The following HCN1 variants were observed in gnomAD, a reference collection of about 807,000 sequenced individuals.
HCN1 encodes hyperpolarization activated cyclic nucleotide gated potassium channel 1.
HCN1 carries 13 observed loss-of-function variants against 78.9 expected under a neutral mutation model. That is an observed-to-expected ratio of 0.16 (90% CI 0.11 to 0.26). The LOEUF is 0.26. Ranked by LOEUF, HCN1 falls within the 10% of genes least tolerant of loss-of-function variation. The pLI is 1.00. For missense variants in HCN1, 810 were observed against 1,154.3 expected (o/e 0.70, Z 4.32); for synonymous variants, 552 against 455.5 (o/e 1.21, Z -2.70).
chr5:45,653,359 C>T (rs1745712522), intron 1 of HCN1, among the ~76,000 whole-genome samples: 1 of 152,106 alleles, frequency 6.6e-6, no homozygotes, highest in African/African-American at 2.4e-5. Flanking sequence ...CATCTGAGCA[C>T]ATCTACTACT....
Position 45,264,886 on chromosome 5 carries a change from T to C in HCN1, c.1784-2076A>G, listed in dbSNP as rs372476051. Among the ~76,000 whole-genome samples, 52 of 152,278 alleles carry C rather than the reference T, an allele frequency of 3.4e-4. No homozygotes were observed. In the South Asian group the frequency reaches 0.01, roughly 30 times the overall value. On this transcript the variant is annotated intron_variant, in intron 7 of 7. Coordinates refer to ENST00000303230, the MANE Select transcript of HCN1 (RefSeq NM_021072.4). Reference sequence around the variant, plus strand: ...TTGATTACGAACCATTTCATGTAAATATTGTTATAAAAATTAACTGCAGGC... The same window carrying C: ...TTGATTACGAACCATTTCATGTAAACATTGTTATAAAAATTAACTGCAGGC...
In HCN1 at chr5:45,599,047, G is replaced by A. The variant is rs570473438; in HGVS notation, c.849+46138C>T. ...TAGAACTAGAAATACCATTTGACCCGGTGATCCCTTTATTGGGTACATACC... is the reference window on the plus strand; with the variant it reads ...TAGAACTAGAAATACCATTTGACCCAGTGATCCCTTTATTGGGTACATACC... On this transcript the variant is annotated intron_variant, in intron 2 of 7. Transcript: ENST00000303230. 1.4e-4 allele frequency among the ~76,000 whole-genome samples: 21 copies of A among 152,134 alleles called. No homozygotes were observed. The South Asian group carries it at 1.5e-3, about 11-fold the overall frequency.
At chr5:45,619,880 G>T (rs2111992669) in intron 2 of HCN1, among the ~76,000 whole-genome samples, 1 of 152,060 alleles carries the variant, frequency 6.6e-6, no homozygotes, top group African/African-American at 2.4e-5. Flanking sequence ...AGTATAAACT[G>T]TACTTAGTGA....
intron 5 of HCN1, among the ~76,000 whole-genome samples, chr5:45,334,594 A>G (rs1240231659): frequency 6.6e-6 from 1 of 151,954 alleles, no homozygotes; most frequent in Admixed American, 6.6e-5. Context: ...TTGAGACTGA[A>G]AAATCACATC....
intron 1 of HCN1, among the ~76,000 whole-genome samples, chr5:45,686,874 T>C (rs1300584291): frequency 1.3e-5 from 2 of 152,184 alleles, no homozygotes; most frequent in Non-Finnish European, 2.9e-5. Flanking sequence ...TCCTGGGACT[T>C]CAGGTTTCTC....
At chr5:45,416,226 C>T (rs1319106717) in intron 3 of HCN1, among the ~76,000 whole-genome samples, 37 of 151,758 alleles carry the variant, frequency 2.4e-4, no homozygotes, top group Admixed American at 1.6e-3. Context: ...AATGCATTGT[C>T]GGGGGTAAGC....
At chr5:45,658,283 C>A (rs1475117336) in intron 1 of HCN1, among the ~76,000 whole-genome samples, 7 of 152,144 alleles carry the variant, frequency 4.6e-5, no homozygotes, top group Admixed American at 6.5e-5. Flanking sequence ...ACCATAAAAA[C>A]CCTAGAAGAA....
intron 3 of HCN1, among the ~76,000 whole-genome samples, chr5:45,403,077 A>C (rs1308158886): frequency 6.6e-6 from 1 of 152,028 alleles, no homozygotes; most frequent in Non-Finnish European, 1.5e-5. Context: ...ATTCTTCATG[A>C]AGAGTGAATG....
At chr5:45,631,359 A>T (rs1170728923) in intron 2 of HCN1, among the ~76,000 whole-genome samples, 3 of 152,072 alleles carry the variant, frequency 2.0e-5, no homozygotes, top group Non-Finnish European at 4.4e-5. Flanking sequence ...GATTGTTTAA[A>T]ACCCTACAGA....
intron 6 of HCN1, among the ~76,000 whole-genome samples, chr5:45,280,197 C>G (rs572351724): frequency 5.9e-5 from 9 of 152,098 alleles, no homozygotes; most frequent in Non-Finnish European, 1.3e-4. Flanking sequence ...ATTGATTTAT[C>G]AAGCTGTATA....
At chr5:45,498,981 C>T (rs1742123636) in intron 2 of HCN1, among the ~76,000 whole-genome samples, 1 of 152,182 alleles carries the variant, frequency 6.6e-6, no homozygotes, top group African/African-American at 2.4e-5. Context: ...CACTACTCTT[C>T]TTCAAAGTTG....
intron 2 of HCN1, among the ~76,000 whole-genome samples, chr5:45,545,533 C>T (rs546790503): frequency 1.3e-5 from 2 of 152,198 alleles, no homozygotes; most frequent in Non-Finnish European, 2.9e-5. Context: ...ATGCCTATGT[C>T]CTGAATGGTA....
At chr5:45,276,263 G>T (rs1055411466) in intron 6 of HCN1, among the ~76,000 whole-genome samples, 1 of 151,900 alleles carries the variant, frequency 6.6e-6, no homozygotes, top group Non-Finnish European at 1.5e-5. Context: ...ATTTAAACAT[G>T]CATTTCCTCT....
chr5:45,628,470 CT>C (rs1317568786), intron 2 of HCN1, among the ~76,000 whole-genome samples: 2 of 152,002 alleles, frequency 1.3e-5, no homozygotes, highest in Non-Finnish European at 2.9e-5. Context: ...TTGGAAAAAA[CT>C]TTTCTGAATC....
chr5:45,428,579 A>T (rs569081882), intron 3 of HCN1, among the ~76,000 whole-genome samples: 32 of 152,204 alleles, frequency 2.1e-4, no homozygotes, highest in Non-Finnish European at 3.5e-4. Context: ...TACACATTTA[A>T]TTTTTAACTT....
At chr5:45,535,019 T>G (rs558521738) in intron 2 of HCN1, among the ~76,000 whole-genome samples, 1 of 152,288 alleles carries the variant, frequency 6.6e-6, no homozygotes, top group East Asian at 1.9e-4. Context: ...AAATAAAACA[T>G]CAGCATTCTT....
intron 2 of HCN1, among the ~76,000 whole-genome samples, chr5:45,583,702 T>C (rs933178272): frequency 1.3e-5 from 2 of 152,166 alleles, no homozygotes; most frequent in African/African-American, 4.8e-5. Context: ...TCTGAATGTG[T>C]CCCAGAGATT....
rs141319870 is a variant in HCN1 at position 45,577,471 on chromosome 5, A to C, written c.849+67714T>G. ...AAATTATCATGTATTCAATTTGAAA[A>C]GCATCTTGTAACTTAAAACATATTT... On this transcript the variant is annotated intron_variant, in intron 2 of 7. Transcript: ENST00000303230. 1.1e-3 allele frequency among the ~76,000 whole-genome samples: 172 copies of C among 152,242 alleles called. 1 individual carries two copies. The highest frequency in any genetic ancestry group is 4.0e-3 in the African/African-American group (168 of 41,572).
At chr5:45,414,770 C>A (rs770919101) in intron 3 of HCN1, among the ~76,000 whole-genome samples, 14 of 151,996 alleles carry the variant, frequency 9.2e-5, no homozygotes, top group Non-Finnish European at 1.9e-4. Context: ...TACACAGGTT[C>A]CCATTCCTGC....
Sources: gnomAD v4.1 joint callset for allele counts (sites outside exome capture counted in the v4.1 genomes callset) on GRCh38, gnomAD v4.1.1 for gene constraint, MANE v1.5 for transcripts, NCBI Gene and HGNC (gene_info 2026-07-23, HGNC 2026-07-21) for gene names.